Variants in PCDHA5 observed in about 807,000 individuals in gnomAD.
The protein encoded by PCDHA5 is protocadherin alpha 5, also known as protocadherin alpha-5.
A neutral mutation model predicts 61.6 loss-of-function variants in PCDHA5; 43 were observed. The ratio of observed to expected loss-of-function variants is 0.70; its 90% CI spans 0.55 to 0.90. PCDHA5 has a LOEUF of 0.90. Among genes scored for constraint, PCDHA5 ranks in the 40% least tolerant of loss-of-function variants. The probability of loss-of-function intolerance (pLI) is 0.00; values close to 1 mark genes in which losing one functional copy is unlikely to be tolerated. For missense variants in PCDHA5, 1,298 were observed against 1,222.7 expected (o/e 1.06, Z -0.92); for synonymous variants, 627 against 543.9 (o/e 1.15, Z -2.13).
rs2150111587 is a variant in PCDHA5 at position 140,821,879 on chromosome 5, C to T, written c.104C>T (p.Pro35Leu). ...AGSGQLHYSI[P>L]EEAKHGTFVG... ...AGCGGCCAGCTCCACTACTCGATCCCGGAGGAAGCCAAACACGGAACCTTC... is the reference window on the plus strand; with the variant it reads ...AGCGGCCAGCTCCACTACTCGATCCTGGAGGAAGCCAAACACGGAACCTTC... Residue 35 changes from proline to leucine, a missense_variant, in exon 1 of 4, where the codon CCG becomes CTG. Physicochemically the swap from Pro to Leu is moderately conservative, Grantham distance 98. Coordinates refer to ENST00000529859, the MANE Select transcript of PCDHA5 (RefSeq NM_018908.3). 2 of 1,614,242 alleles carry T rather than the reference C, an allele frequency of 1.2e-6. No individual in the cohort carries two copies. Among genetic ancestry groups the T allele is most frequent in the Non-Finnish European group, 1.7e-6 (2 of 1,180,052 alleles).
intron 1 of PCDHA5, chr5:140,830,507 A>G (rs1226848199): frequency 1.4e-6 from 2 of 1,423,508 alleles, no homozygotes; most frequent in Non-Finnish European, 1.9e-6. Context: ...TTCATAATTA[A>G]CAGTTAATTT....
intron 1 of PCDHA5, among the ~76,000 whole-genome samples, chr5:140,892,166 A>G (rs2063413664): frequency 6.6e-6 from 1 of 152,228 alleles, no homozygotes; most frequent in Admixed American, 6.5e-5. Flanking sequence ...TATGTCCAGT[A>G]ACTGGGATCC....
chr5:140,982,696 A>G lies in PCDHA5; in HGVS notation c.2500+133A>G. ...GTTATTCCCTTTTTTCCATACATAC[A>G]TGATTTCCTTACATATATGATTATT... On this transcript the variant is annotated intron_variant, in intron 3 of 3. Transcript: ENST00000529859. 2.9e-6 allele frequency: 4 copies of G among 1,397,036 alleles called. No individual in the cohort carries two copies. The East Asian group carries it at 7.6e-5, about 27-fold the overall frequency. 86.5% of individuals were successfully genotyped at this position (1,397,036 alleles called of 1,614,324 possible). A position where few individuals can be genotyped will look rare whatever the true frequency, so the allele number is the denominator to read the frequency against.
intron 1 of PCDHA5, among the ~76,000 whole-genome samples, chr5:140,891,857 C>G (rs1202628035): frequency 6.6e-6 from 1 of 152,194 alleles, no homozygotes; most frequent in Non-Finnish European, 1.5e-5. Context: ...GCCTGTCCCT[C>G]TCTTATGCTT....
At chr5:140,868,281 T>G (rs2050378347) in intron 1 of PCDHA5, 1 of 152,066 alleles carries the variant, frequency 6.6e-6, no homozygotes, top group Non-Finnish European at 1.5e-5. Flanking sequence ...AACTACCAAG[T>G]TTGAGAATAT....
intron 1 of PCDHA5, chr5:140,869,173 T>C: frequency 6.2e-7 from 1 of 1,613,884 alleles, no homozygotes; most frequent in African/African-American, 1.3e-5. Flanking sequence ...CCTCGAATTC[T>C]GGGAGGTGGG....
chr5:140,882,918 G>A (rs1554176085), intron 1 of PCDHA5: 1 of 1,614,186 alleles, frequency 6.2e-7, no homozygotes, highest in South Asian at 1.1e-5. Context: ...GCCAGTGATG[G>A]AGGTAAACCC....
chr5:140,836,653 G>T lies in PCDHA5; in HGVS notation c.2352+12526G>T, dbSNP rs2150266924. ...TCATTCTCCCAGCAGAGGCGGCAGA[G>T]GGTGTGCTCTGGGGAGGGCCCACCC... On this transcript the variant is annotated intron_variant, in intron 1 of 3. Transcript: ENST00000529859. The T allele has an allele frequency of 1.9e-5, 30 of 1,613,390 alleles. 1 individual carries two copies. Among genetic ancestry groups the T allele is most frequent in the African/African-American group, 4.0e-5 (3 of 74,806 alleles).
intron 1 of PCDHA5, chr5:140,870,210 C>T (rs1430379869): frequency 6.2e-7 from 1 of 1,614,058 alleles, no homozygotes; most frequent in African/African-American, 1.3e-5. Context: ...CGGTCATTGC[C>T]CTGATCAGCG....
At chr5:140,979,054 A>G (rs782082075) in intron 2 of PCDHA5, 47 bp downstream of exon 2, 6 of 1,607,592 alleles carry the variant, frequency 3.7e-6, no homozygotes, top group Non-Finnish European at 4.3e-6. Flanking sequence ...TTAACTTGGT[A>G]TGGCTCAGAT....
intron 1 of PCDHA5, chr5:140,969,328 T>C (rs2096319778): frequency 1.2e-6 from 2 of 1,614,124 alleles, no homozygotes; most frequent in Admixed American, 1.7e-5. Flanking sequence ...TTTCTCAAAA[T>C]GAGGTGAGAC....
intron 1 of PCDHA5, among the ~76,000 whole-genome samples, chr5:140,899,650 T>C (rs1174353279): frequency 5.3e-5 from 8 of 152,192 alleles, no homozygotes; most frequent in African/African-American, 1.7e-4. Flanking sequence ...TCTTATTTGG[T>C]TGTGTCTCTG....
chr5:140,985,508 A>G (rs2097155357), intron 3 of PCDHA5, among the ~76,000 whole-genome samples: 1 of 152,160 alleles, frequency 6.6e-6, no homozygotes, highest in Admixed American at 6.5e-5. Context: ...CCTTTCATTG[A>G]TTCTGTTGCC....
intron 1 of PCDHA5, among the ~76,000 whole-genome samples, chr5:140,889,730 A>C (rs1554184026): frequency 6.6e-6 from 1 of 152,198 alleles, no homozygotes; most frequent in East Asian, 1.9e-4. Flanking sequence ...TGTCTCACTG[A>C]GTAGCAGAGT....
chr5:140,846,028 T>C (rs1415683647), intron 1 of PCDHA5, among the ~76,000 whole-genome samples: 1 of 149,754 alleles, frequency 6.7e-6, no homozygotes, highest in Non-Finnish European at 1.5e-5. Flanking sequence ...ATTACGAGTT[T>C]AGGAAAGTCA....
chr5:140,829,877 G>C, intron 1 of PCDHA5: 1 of 1,613,956 alleles, frequency 6.2e-7, no homozygotes, highest in East Asian at 2.2e-5. Flanking sequence ...GAAGGTGCGC[G>C]CAGTTGACGC....
chr5:140,957,254 A>T (rs2095344725), intron 1 of PCDHA5, among the ~76,000 whole-genome samples: 1 of 152,192 alleles, frequency 6.6e-6, no homozygotes, highest in Non-Finnish European at 1.5e-5. Flanking sequence ...TAAAATTTAA[A>T]TATGTAAGCA....
chr5:140,882,330 T>C (rs1554173536), intron 1 of PCDHA5: 26 of 1,614,056 alleles, frequency 1.6e-5, no homozygotes, highest in Non-Finnish European at 2.1e-5. Context: ...CTTCTGATCC[T>C]CGCAGCCTGG....
At chr5:140,827,423 T>G (rs1417944566) in intron 1 of PCDHA5, among the ~76,000 whole-genome samples, 1 of 152,238 alleles carries the variant, frequency 6.6e-6, no homozygotes, top group African/African-American at 2.4e-5. Context: ...CTCTAGAATT[T>G]TATCTTCCAT....
Sources: allele counts gnomAD v4.1 joint callset (sites outside exome capture counted in the v4.1 genomes callset), GRCh38; gene constraint gnomAD v4.1.1; transcripts MANE v1.5; gene names NCBI Gene and HGNC (gene_info 2026-07-23, HGNC 2026-07-21).